Variants in ITGB1 observed in about 807,000 individuals in gnomAD.
The protein encoded by ITGB1 is integrin beta-1.
ITGB1 carries 24 observed loss-of-function variants against 86.5 expected under a neutral mutation model. The observed-to-expected ratio is 0.28, with a 90% CI of 0.20 to 0.39. The LOEUF (loss-of-function observed/expected upper bound fraction) is 0.39. Among genes scored for constraint, ITGB1 ranks in the 10% least tolerant of loss-of-function variants. The pLI is 1.00. For missense variants in ITGB1, 556 were observed against 946.9 expected (o/e 0.59, Z 5.42); for synonymous variants, 323 against 316.8 (o/e 1.02, Z -0.21).
At chr10:32,912,514 G>C (rs2094916652) in intron 11 of ITGB1, among the ~76,000 whole-genome samples, 1 of 152,148 alleles carries the variant, frequency 6.6e-6, no homozygotes, top group Non-Finnish European at 1.5e-5. Context: ...TGGCTCAGAG[G>C]GTCCCATGCC....
chr10:32,940,130 G>A (rs544587791), intron 1 of ITGB1, among the ~76,000 whole-genome samples: 15 of 152,246 alleles, frequency 9.9e-5, no homozygotes, highest in African/African-American at 3.6e-4. Flanking sequence ...CAGATCACAA[G>A]GTCAAGTAAT....
chr10:32,922,058 T>C (rs2094951717), intron 9 of ITGB1, among the ~76,000 whole-genome samples, 199 bp downstream of exon 9: 1 of 152,174 alleles, frequency 6.6e-6, no homozygotes, highest in Non-Finnish European at 1.5e-5. Flanking sequence ...TTATCACATT[T>C]TCACTTTGTT....
At chr10:32,949,272 T>C (rs2095038115) in intron 1 of ITGB1, among the ~76,000 whole-genome samples, 2 of 152,180 alleles carry the variant, frequency 1.3e-5, no homozygotes, top group Admixed American at 1.3e-4. Context: ...AATGGTGGAA[T>C]CAAAAGTTGC....
intron 15 of ITGB1, 65 bp downstream of exon 15, chr10:32,908,303 T>C (rs999648982): frequency 2.1e-6 from 3 of 1,423,542 alleles, no homozygotes; most frequent in Non-Finnish European, 3.0e-6. Context: ...AGCTAATACA[T>C]AAGTCTTAGG....
chr10:32,958,049 C>T (rs1490731352), intron 1 of ITGB1, 96 bp downstream of exon 1: 1 of 150,148 alleles, frequency 6.7e-6, no homozygotes, highest in Non-Finnish European at 1.5e-5. Context: ...CACAAAGGTC[C>T]CGGCGCGGCC....
At chr10:32,946,962 A>T (rs1593886401) in intron 1 of ITGB1, among the ~76,000 whole-genome samples, 1 of 151,794 alleles carries the variant, frequency 6.6e-6, no homozygotes, top group Non-Finnish European at 1.5e-5. Flanking sequence ...CTCCTGCCTC[A>T]GCCTCTGAGT....
At chr10:32,942,226 T>C (rs1400613544) in intron 1 of ITGB1, among the ~76,000 whole-genome samples, 1 of 152,178 alleles carries the variant, frequency 6.6e-6, no homozygotes, top group Admixed American at 6.5e-5. Flanking sequence ...ATGGTGCCTT[T>C]CTTCTAAGGC....
At chr10:32,932,216 C>T (rs992422712) in intron 3 of ITGB1, among the ~76,000 whole-genome samples, 1 of 151,976 alleles carries the variant, frequency 6.6e-6, no homozygotes, top group Non-Finnish European at 1.5e-5. Context: ...AATTTTAACA[C>T]TGTTATAACA....
intron 1 of ITGB1, among the ~76,000 whole-genome samples, chr10:32,943,496 C>T (rs1012388090): frequency 2.0e-5 from 3 of 150,506 alleles, no homozygotes; most frequent in Non-Finnish European, 4.4e-5. Flanking sequence ...GGGTGGGGGG[C>T]AAAGAAGGTG....
intron 13 of ITGB1, among the ~76,000 whole-genome samples, chr10:32,911,205 C>A (rs889759880): frequency 7.9e-5 from 12 of 152,154 alleles, no homozygotes. Context: ...CATGTAAATT[C>A]AATTATCTAG....
rs1482100655 is a variant in ITGB1 at position 32,912,079 on chromosome 10, A to G, written c.1515T>C (p.Asp505=). The change falls in exon 12 of 16, where the codon GAT becomes GAC. Residue 505 remains aspartate (D), a synonymous_variant. Coordinates refer to ENST00000302278, the MANE Select transcript of ITGB1 (RefSeq NM_002211.4). ...RVGRHCECST[D]EVNSEDMDAY... is the part of the protein sequence containing the mutation. ...CATCCATGTCTTCACTGTTAACTTC[A>G]TCTGTGCTGCATTCACAATGTCTAC... is the stretch of plus-strand genomic sequence containing the variant. The G allele has an allele frequency of 1.9e-6, 3 of 1,614,190 alleles. No individual in the cohort carries two copies. In the Admixed American group the frequency reaches 5.0e-5, roughly 27 times the overall value.
chr10:32,942,697 TGG>T (rs77276454), intron 1 of ITGB1, among the ~76,000 whole-genome samples: 48,142 of 145,410 alleles, frequency 0.33, 10,118 homozygotes, highest in Non-Finnish European at 0.48. Flanking sequence ...TTTTTTTTTT[TGG>T]GGGGAGACAG....
At chr10:32,906,588 AAAAT>A (rs559794750) in intron 15 of ITGB1, 34 of 173,280 alleles carry the variant, frequency 2.0e-4, no homozygotes, top group South Asian at 4.4e-4. Context: ...AGACTGTCTC[AAAAT>A]AAATAAATAA....
chr10:32,922,542 C>A, intron 8 of ITGB1, 98 bp downstream of exon 8: 2 of 825,734 alleles, frequency 2.4e-6, no homozygotes, highest in Non-Finnish European at 3.9e-6. Context: ...TTCGGTTTGC[C>A]TATCTGGTGG....
intron 1 of ITGB1, among the ~76,000 whole-genome samples, chr10:32,939,722 AAGTGAGTGAGTGAGTGAGTG>A (rs3035177): frequency 0.074 from 11,059 of 149,852 alleles, 606 homozygotes; most frequent in South Asian, 0.26. Context: ...CTGGGTGGGT[AAGTGAGTGAGTGAGTGAGTG>A]AGTGAGTGAG....
intron 15 of ITGB1, among the ~76,000 whole-genome samples, chr10:32,904,630 C>T (rs982158249): frequency 6.6e-6 from 1 of 152,176 alleles, no homozygotes; most frequent in Non-Finnish European, 1.5e-5. Flanking sequence ...GACTGGCAAA[C>T]CTTGGTCCAT....
At chr10:32,908,315 G>A (rs955186971) in intron 15 of ITGB1, 53 bp downstream of exon 15, 13 of 1,482,146 alleles carry the variant, frequency 8.8e-6, no homozygotes, top group Admixed American at 1.7e-5. Context: ...AGTCTTAGGA[G>A]TATTACATTT....
chr10:32,927,949 T>C, intron 5 of ITGB1, 145 bp downstream of exon 5: 1 of 540,108 alleles, frequency 1.9e-6, no homozygotes, highest in South Asian at 2.9e-5. Flanking sequence ...GACTGGAATA[T>C]CAACTTCCAC....
chr10:32,942,126 G>C (rs976456977), intron 1 of ITGB1, among the ~76,000 whole-genome samples: 1 of 152,182 alleles, frequency 6.6e-6, no homozygotes, highest in African/African-American at 2.4e-5. Context: ...CACAGGAAAA[G>C]AGAAAAGGAA....
Sources: allele counts gnomAD v4.1 joint callset (sites outside exome capture counted in the v4.1 genomes callset), GRCh38; gene constraint gnomAD v4.1.1; transcripts MANE v1.5; gene names NCBI Gene and HGNC (gene_info 2026-07-23, HGNC 2026-07-21).